UVRAG: variants seen among roughly 807,000 people sequenced by gnomAD.
UVRAG encodes the protein UV radiation resistance-associated gene protein.
UVRAG carries 19 observed loss-of-function variants against 78.0 expected under a neutral mutation model. The observed-to-expected ratio is 0.24, with a 90% CI of 0.17 to 0.36. The LOEUF (loss-of-function observed/expected upper bound fraction) is 0.36, where lower values mean the gene tolerates loss of function less well. Among genes scored for constraint, UVRAG ranks in the 10% least tolerant of loss-of-function variants. The pLI, the probability that UVRAG is intolerant of heterozygous loss-of-function variation, is 1.00. For synonymous variants in UVRAG, 323 were observed against 324.6 expected (o/e 1.00, Z 0.05); for missense variants, 740 against 853.8 (o/e 0.87, Z 1.66).
chr11:76,128,623 T>C (rs1952457045), intron 14 of UVRAG, among the ~76,000 whole-genome samples: 1 of 152,018 alleles, frequency 6.6e-6, no homozygotes. Context: ...TGTTTGTTTG[T>C]TTGTTTGTTT....
chr11:76,064,767 A>G (rs530678550), intron 12 of UVRAG, among the ~76,000 whole-genome samples: 216 of 152,314 alleles, frequency 1.4e-3, no homozygotes, highest in Non-Finnish European at 1.9e-3. Context: ...TCCTCAGGCA[A>G]TTAAAAGACA....
chr11:75,974,064 A>G (rs1224770325), intron 7 of UVRAG, among the ~76,000 whole-genome samples: 3 of 152,226 alleles, frequency 2.0e-5, no homozygotes, highest in African/African-American at 4.8e-5. Flanking sequence ...CTTTGGGTAT[A>G]TACCCAGTAA....
At chr11:76,087,963 C>T (rs1219341285) in intron 13 of UVRAG, among the ~76,000 whole-genome samples, 1 of 152,210 alleles carries the variant, frequency 6.6e-6, no homozygotes, top group East Asian at 1.9e-4. Context: ...CAGCCTAGAC[C>T]TCCCTGGGGT....
intron 8 of UVRAG, among the ~76,000 whole-genome samples, chr11:75,984,029 C>T (rs1398281347): frequency 5.3e-5 from 8 of 152,050 alleles, no homozygotes; most frequent in Admixed American, 3.3e-4. Context: ...CAAATCGTCC[C>T]GGACTTACAA....
intron 2 of UVRAG, among the ~76,000 whole-genome samples, chr11:75,857,735 G>A (rs568197402): frequency 3.3e-4 from 50 of 150,938 alleles, no homozygotes; most frequent in African/African-American, 1.0e-3. Context: ...TGATCCACCC[G>A]TCTTGGCTTC....
At chr11:76,125,950 C>CTTT (rs71036075) in intron 14 of UVRAG, among the ~76,000 whole-genome samples, 1 of 137,672 alleles carries the variant, frequency 7.3e-6, no homozygotes, top group Non-Finnish European at 1.6e-5. Flanking sequence ...CTGGCAGTCA[C>CTTT]TTTTTTTTTT....
intron 2 of UVRAG, among the ~76,000 whole-genome samples, chr11:75,857,487 T>TCC (rs781439937): frequency 1.3e-5 from 2 of 150,624 alleles, no homozygotes; most frequent in Non-Finnish European, 2.9e-5. Context: ...ATCTTTCTTT[T>TCC]TCCCCCCCCC....
intron 6 of UVRAG, among the ~76,000 whole-genome samples, chr11:75,952,283 A>G (rs958672341): frequency 6.6e-6 from 1 of 152,132 alleles, no homozygotes; most frequent in South Asian, 2.1e-4. Flanking sequence ...TTTAAAATGC[A>G]TTATTACAAT....
intron 7 of UVRAG, among the ~76,000 whole-genome samples, chr11:75,972,050 G>A (rs1949133161): frequency 6.6e-6 from 1 of 151,738 alleles, no homozygotes. Context: ...GGCCCAAGTG[G>A]TAGATCACAC....
At chr11:76,124,517 T>G (rs896228569) in intron 14 of UVRAG, among the ~76,000 whole-genome samples, 1 of 152,240 alleles carries the variant, frequency 6.6e-6, no homozygotes, top group African/African-American at 2.4e-5. Context: ...CTTATTTTGT[T>G]TTAGGGCCAA....
chr11:75,882,581 C>T (rs1946976663), intron 4 of UVRAG, among the ~76,000 whole-genome samples: 1 of 151,746 alleles, frequency 6.6e-6, no homozygotes. Flanking sequence ...TTTTGCTTAC[C>T]ATACTTTTTA....
chr11:76,013,235 C>T (rs996103478), intron 11 of UVRAG: 1 of 152,098 alleles, frequency 6.6e-6, no homozygotes, highest in Admixed American at 6.5e-5. Context: ...AATTTGTTGT[C>T]ATAAAAATTA....
At chr11:75,974,802 A>G (rs568971336) in intron 7 of UVRAG, among the ~76,000 whole-genome samples, 1 of 152,156 alleles carries the variant, frequency 6.6e-6, no homozygotes, top group Non-Finnish European at 1.5e-5. Context: ...AGTAGATTGC[A>G]AAAATTTTCT....
intron 4 of UVRAG, among the ~76,000 whole-genome samples, chr11:75,886,278 TC>T (rs1436435662): frequency 6.6e-6 from 1 of 152,210 alleles, no homozygotes; most frequent in Non-Finnish European, 1.5e-5. Flanking sequence ...GATTTGTTTC[TC>T]CCCATACTCT....
At chr11:76,042,548 A>G (rs936638660) in intron 12 of UVRAG, among the ~76,000 whole-genome samples, 11 of 152,274 alleles carry the variant, frequency 7.2e-5, no homozygotes, top group African/African-American at 1.7e-4. Context: ...GTGAACTACA[A>G]TTGGCTTTTT....
intron 13 of UVRAG, among the ~76,000 whole-genome samples, chr11:76,066,138 T>C (rs1447138776): frequency 6.6e-6 from 1 of 152,172 alleles, no homozygotes; most frequent in Non-Finnish European, 1.5e-5. Flanking sequence ...AGGGACTCAA[T>C]TTGCATTGTT....
intron 7 of UVRAG, among the ~76,000 whole-genome samples, chr11:75,975,049 T>A (rs1591082334): frequency 6.6e-6 from 1 of 152,228 alleles, no homozygotes. Context: ...TTGAATTAAT[T>A]TTTGTATAAG....
Position 76,048,770 on chromosome 11 carries a change from A to C in UVRAG, c.1227-16940A>C, listed in dbSNP as rs534297745. ...TATGTGTGTAATTTTGAGCATTGACATCCAGAAAGCAGGTAAAGTTTTTAG... is the reference window on the plus strand; with the variant it reads ...TATGTGTGTAATTTTGAGCATTGACCTCCAGAAAGCAGGTAAAGTTTTTAG... On this transcript the variant is annotated intron_variant, in intron 12 of 14. Coordinates refer to ENST00000356136, the MANE Select transcript of UVRAG (RefSeq NM_003369.4). 1.3e-4 allele frequency among the ~76,000 whole-genome samples: 20 copies of C among 152,392 alleles called. No homozygotes were observed. The East Asian group carries it at 3.9e-3, about 29-fold the overall frequency.
chr11:76,010,493 T>C (rs886201430), intron 11 of UVRAG, among the ~76,000 whole-genome samples: 1 of 152,044 alleles, frequency 6.6e-6, no homozygotes, highest in African/African-American at 2.4e-5. Context: ...ATGCTACAGC[T>C]GGGGGAAGAG....
Sources: gnomAD v4.1 joint callset for allele counts (sites outside exome capture counted in the v4.1 genomes callset) on GRCh38, gnomAD v4.1.1 for gene constraint, MANE v1.5 for transcripts, NCBI Gene and HGNC (gene_info 2026-07-23, HGNC 2026-07-21) for gene names.